The following PBLD variants were observed in gnomAD, a reference collection of about 807,000 sequenced individuals.
PBLD encodes the protein phenazine biosynthesis-like domain-containing protein.
A neutral mutation model predicts 31.3 loss-of-function variants in PBLD; 26 were observed. The ratio of observed to expected loss-of-function variants is 0.83; its 90% CI spans 0.61 to 1.15. PBLD has a LOEUF of 1.15. PBLD is among the 50% of genes most tolerant of loss of function. PBLD has a pLI of 0.00. For missense variants in PBLD, 307 were observed against 351.7 expected, an observed-to-expected ratio of 0.87 and a Z score of 1.02; for synonymous variants, 114 against 129.0, an observed-to-expected ratio of 0.88 and a Z score of 0.79.
At chr10:68,312,669 G>C (rs1415145868) in intron 1 of PBLD, among the ~76,000 whole-genome samples, 2 of 137,732 alleles carry the variant, frequency 1.5e-5, no homozygotes, top group Non-Finnish European at 1.5e-5. Flanking sequence ...GAGTGCAGTG[G>C]TGCGATTTCA....
chr10:68,328,544 C>T (rs917992310), intron 1 of PBLD, among the ~76,000 whole-genome samples: 7 of 152,180 alleles, frequency 4.6e-5, no homozygotes, highest in Non-Finnish European at 4.4e-5. Context: ...TCATTATGGT[C>T]TCTAACAAGA....
At chr10:68,321,997 G>A (rs1386572181) in intron 1 of PBLD, among the ~76,000 whole-genome samples, 1 of 152,158 alleles carries the variant, frequency 6.6e-6, no homozygotes, top group Non-Finnish European at 1.5e-5. Context: ...AGTATGGGCT[G>A]CTCTCAGTAA....
intron 2 of PBLD, among the ~76,000 whole-genome samples, chr10:68,302,053 G>A (rs919399596): frequency 5.9e-5 from 9 of 152,216 alleles, no homozygotes; most frequent in Non-Finnish European, 1.5e-5. Flanking sequence ...ATCATGGAAA[G>A]ACTTCAACTT....
At chr10:68,296,817 C>G in intron 3 of PBLD, 69 bp downstream of exon 3, 1 of 1,353,228 alleles carries the variant, frequency 7.4e-7, no homozygotes, top group Non-Finnish European at 1.1e-6. Flanking sequence ...TGCAGTGAGT[C>G]AAGATCATGC....
chr10:68,294,453 T>C (rs1413475798), intron 4 of PBLD, among the ~76,000 whole-genome samples: 1 of 152,224 alleles, frequency 6.6e-6, no homozygotes, highest in African/African-American at 2.4e-5. Context: ...CTGACCCTGC[T>C]TGCCCAGAGT....
At chr10:68,313,463 G>A (rs1387051089) in intron 1 of PBLD, among the ~76,000 whole-genome samples, 1 of 152,120 alleles carries the variant, frequency 6.6e-6, no homozygotes, top group Non-Finnish European at 1.5e-5. Flanking sequence ...ACTACTTTGT[G>A]TTTACTTTTA....
intron 1 of PBLD, among the ~76,000 whole-genome samples, chr10:68,320,736 T>A (rs1374657195): frequency 6.6e-6 from 1 of 152,074 alleles, no homozygotes; most frequent in Non-Finnish European, 1.5e-5. Flanking sequence ...CAGGCTGGTC[T>A]GAACCTCCTG....
chr10:68,289,115 T>C, intron 6 of PBLD, 96 bp from the exon 7 acceptor site: 1 of 909,782 alleles, frequency 1.1e-6, no homozygotes, highest in Non-Finnish European at 1.8e-6. Context: ...GCATCCACTG[T>C]GAGCCAAGCA....
At chr10:68,305,324 G>GT (rs1439213293) in intron 2 of PBLD, among the ~76,000 whole-genome samples, 1 of 147,926 alleles carries the variant, frequency 6.8e-6, no homozygotes, top group Non-Finnish European at 1.5e-5. Context: ...TGTTGGCCAG[G>GT]TTGGACTCTG....
chr10:68,329,647 G>T (rs2044980506), intron 1 of PBLD, among the ~76,000 whole-genome samples: 2 of 152,058 alleles, frequency 1.3e-5, no homozygotes, highest in Admixed American at 6.5e-5. Context: ...GACTCACAGT[G>T]TCTTGGGACT....
chr10:68,326,380 C>T (rs1283136028), intron 1 of PBLD, among the ~76,000 whole-genome samples: 2 of 152,046 alleles, frequency 1.3e-5, no homozygotes, highest in Non-Finnish European at 2.9e-5. Flanking sequence ...CATATACTGA[C>T]CTACTAGGAA....
chr10:68,286,149 A>G (rs2044285678), intron 8 of PBLD, among the ~76,000 whole-genome samples: 1 of 130,672 alleles, frequency 7.7e-6, no homozygotes, highest in Non-Finnish European at 1.5e-5. Context: ...GTGCAGTGGC[A>G]CAATCTCGGC....
rs2044258238 is a variant in PBLD, at chr10:68,284,106, G to T, written c.*71C>A. ...CTACTACGCACATTTGCTAAAGGCAGCCCCTTACATTTCTTTTTAAGCAGA... is the reference window on the plus strand; with the variant it reads ...CTACTACGCACATTTGCTAAAGGCATCCCCTTACATTTCTTTTTAAGCAGA... On this transcript the variant is annotated 3_prime_UTR_variant, in exon 10 of 10. Coordinates refer to ENST00000358769, the MANE Select transcript of PBLD (RefSeq NM_022129.4). 1 of 1,395,460 alleles carries T rather than the reference G, an allele frequency of 7.2e-7. No homozygotes were observed. The highest frequency in any genetic ancestry group is 1.0e-6 in the Non-Finnish European group (1 of 996,574). The allele number at this position is 1,395,460 out of a possible 1,614,324, so 86.4% of individuals were successfully genotyped here. A position where few individuals can be genotyped will look rare whatever the true frequency, so the allele number is the denominator to read the frequency against.
intron 8 of PBLD, among the ~76,000 whole-genome samples, chr10:68,285,868 A>G (rs1000237599): frequency 7.0e-6 from 1 of 142,288 alleles, no homozygotes; most frequent in African/African-American, 2.6e-5. Flanking sequence ...TTTTGTAGAG[A>G]TGGGGTTTCA....
chr10:68,292,469 C>G lies in PBLD; in HGVS notation c.284-231G>C, dbSNP rs117508510. ...GGCGTCATACTTCAAGGCTTCAGATCCCAGCTCTTTACTGCTTACTGTGCC... is the reference window on the plus strand; with the variant it reads ...GGCGTCATACTTCAAGGCTTCAGATGCCAGCTCTTTACTGCTTACTGTGCC... On this transcript the variant is annotated intron_variant, in intron 4 of 9. Transcript: ENST00000358769. Among the ~76,000 whole-genome samples, 238 of 152,062 alleles carry G rather than the reference C, an allele frequency of 1.6e-3. No homozygotes were observed. In the East Asian group the frequency reaches 0.02, roughly 13 times the overall value.
intron 9 of PBLD, chr10:68,285,079 G>C: frequency 3.1e-6 from 4 of 1,294,204 alleles, no homozygotes; most frequent in Non-Finnish European, 2.0e-6. Context: ...ACCTCTCTGG[G>C]CCAAAGTTAT....
Position 68,292,015 on chromosome 10 carries a change from T to G in PBLD, c.418A>C (p.Ile140Leu). Residue 140 changes from isoleucine to leucine, a missense_variant, in exon 6 of 10, where the codon ATA becomes CTA. Physicochemically the swap from Ile to Leu is conservative, Grantham distance 5 (BLOSUM62 2). Transcript: ENST00000358769. ...GTTTGATTCTTTTTACCAACCTTTA[T>G]CAAGTCCTCTACTTCATGGAAGTCC... ...PQDFHEVEDL[I>L]KTAIGNTLVQ... The G allele has an allele frequency of 6.3e-7, 1 of 1,586,174 alleles. No individual in the cohort carries two copies. The highest frequency in any genetic ancestry group is 8.7e-7 in the Non-Finnish European group (1 of 1,154,624).
Position 68,312,698 on chromosome 10 carries a change from C to T in PBLD, c.-59-5795G>A, listed in dbSNP as rs1288657333. Among the ~76,000 whole-genome samples, 3 of 148,456 alleles carry T rather than the reference C, an allele frequency of 2.0e-5. No homozygotes were observed. The East Asian group carries it at 6.0e-4, about 30-fold the overall frequency. On this transcript the variant is annotated intron_variant, in intron 1 of 9. Coordinates refer to ENST00000358769, the MANE Select transcript of PBLD (RefSeq NM_022129.4). ...GATTTCAGCTCACTGCAAGCTCCGC[C>T]TCCCGGGTTCACGCCATTCTCCTGC...
chr10:68,324,429 C>T (rs1201105610), intron 1 of PBLD, among the ~76,000 whole-genome samples: 3 of 151,968 alleles, frequency 2.0e-5, no homozygotes, highest in Non-Finnish European at 4.4e-5. Context: ...CCCACCTTGG[C>T]CTCCCAAAGT....
Sources: allele counts gnomAD v4.1 joint callset (sites outside exome capture counted in the v4.1 genomes callset), GRCh38; gene constraint gnomAD v4.1.1; transcripts MANE v1.5; gene names NCBI Gene and HGNC (gene_info 2026-07-23, HGNC 2026-07-21).